MTHFD1L: variants seen among roughly 807,000 people sequenced by gnomAD.
The protein encoded by MTHFD1L is monofunctional C1-tetrahydrofolate synthase, mitochondrial.
In MTHFD1L, 81 loss-of-function variants were observed where a neutral mutation model predicts 119.5. The ratio of observed to expected loss-of-function variants is 0.68; its 90% CI spans 0.57 to 0.82. The LOEUF is 0.82. Ranked by LOEUF, MTHFD1L falls within the 40% of genes least tolerant of loss-of-function variation. MTHFD1L has a pLI of 0.00. For missense variants in MTHFD1L, 1,125 were observed against 1,253.4 expected, an observed-to-expected ratio of 0.90 and a Z score of 1.55; for synonymous variants, 430 against 475.2, an observed-to-expected ratio of 0.90 and a Z score of 1.24.
intron 26 of MTHFD1L, among the ~76,000 whole-genome samples, chr6:151,086,515 T>C (rs1160935653): frequency 6.6e-6 from 1 of 152,160 alleles, no homozygotes; most frequent in Non-Finnish European, 1.5e-5. Flanking sequence ...CCATCTTTAC[T>C]CATCTGTTTT....
chr6:150,932,867 TAAGGAAAG>T (rs1562405297), intron 11 of MTHFD1L, among the ~76,000 whole-genome samples: 1 of 114,042 alleles, frequency 8.8e-6, no homozygotes, highest in Non-Finnish European at 1.8e-5. Context: ...TAGATTACCT[TAAGGAAAG>T]AAGGAAGGAA....
At chr6:150,910,506 T>A (rs1786698649) in intron 8 of MTHFD1L, among the ~76,000 whole-genome samples, 1 of 146,206 alleles carries the variant, frequency 6.8e-6, no homozygotes, top group South Asian at 2.1e-4. Flanking sequence ...GAGGTTACGG[T>A]GAGCTGAGAT....
In MTHFD1L at chr6:150,901,667, C is replaced by G. The variant is rs145289860; in HGVS notation, c.781-3983C>G. Among the ~76,000 whole-genome samples, 584 of 152,322 alleles carry G rather than the reference C, an allele frequency of 3.8e-3. 1 individual carries two copies. The highest frequency in any genetic ancestry group is 0.012 in the African/African-American group (496 of 41,568). On this transcript the variant is annotated intron_variant, in intron 7 of 27. Transcript: ENST00000367321. ...GAGCCCCCTCCCTGCCCTCCAGACC[C>G]TGCTCTGTTCTCTGTGTCTGACCAT...
chr6:150,866,449 G>C (rs1028494542), intron 1 of MTHFD1L: 1 of 1,325,222 alleles, frequency 7.5e-7, no homozygotes, highest in Non-Finnish European at 9.6e-7. Context: ...GGAGGAGGGC[G>C]GGGCTGCGGC....
At chr6:150,866,655 A>T (rs1778390991) in intron 1 of MTHFD1L, 1 of 1,193,934 alleles carries the variant, frequency 8.4e-7, no homozygotes, top group Admixed American at 4.5e-5. Flanking sequence ...GGCCCCCGGG[A>T]CAGCCGCCGG....
chr6:150,872,201 G>A (rs1394033886), intron 1 of MTHFD1L, among the ~76,000 whole-genome samples: 1 of 152,084 alleles, frequency 6.6e-6, no homozygotes, highest in Non-Finnish European at 1.5e-5. Context: ...CTTATCATTT[G>A]TGTATCCACG....
intron 17 of MTHFD1L, among the ~76,000 whole-genome samples, chr6:150,959,623 A>G (rs958254729): frequency 3.9e-5 from 6 of 152,190 alleles, no homozygotes; most frequent in African/African-American, 1.2e-4. Flanking sequence ...AGTCTGTGCC[A>G]CCAGTTGACT....
intron 15 of MTHFD1L, among the ~76,000 whole-genome samples, chr6:150,946,667 C>T (rs912352346): frequency 1.3e-5 from 2 of 152,146 alleles, no homozygotes; most frequent in Non-Finnish European, 2.9e-5. Flanking sequence ...TAAAAATTCA[C>T]CTCCTGCCTC....
intron 19 of MTHFD1L, among the ~76,000 whole-genome samples, chr6:150,969,556 T>C (rs1379240299): frequency 6.7e-6 from 1 of 149,828 alleles, no homozygotes; most frequent in Non-Finnish European, 1.5e-5. Flanking sequence ...TATACAGGAC[T>C]GGGCTTGCTA....
intron 24 of MTHFD1L, among the ~76,000 whole-genome samples, chr6:151,023,306 C>T (rs1784204652): frequency 1.3e-5 from 2 of 152,090 alleles, no homozygotes. Flanking sequence ...CTCAGCCTCC[C>T]AAAGTGCCGG....
At chr6:150,949,162 G>T in intron 16 of MTHFD1L, 29 bp downstream of exon 16, 4 of 1,590,578 alleles carry the variant, frequency 2.5e-6, no homozygotes, top group South Asian at 1.1e-5. Flanking sequence ...CCAGCAGGCT[G>T]ATGGCCAGGT....
chr6:151,084,517 G>A (rs983959179), intron 26 of MTHFD1L, among the ~76,000 whole-genome samples: 5 of 152,290 alleles, frequency 3.3e-5, no homozygotes, highest in South Asian at 2.1e-4. Context: ...GGCCCCAAGC[G>A]ATCCTCCCAC....
rs545753976 is a variant in MTHFD1L at position 151,047,930 on chromosome 6, A to G, written c.2847+10813A>G. ...CTGGGGAGGCCTCAGGAAACTTACA[A>G]TCATGGTGGAAGGCAAAGGGGAAGC... On this transcript the variant is annotated intron_variant, in intron 26 of 27. Coordinates refer to ENST00000367321, the MANE Select transcript of MTHFD1L (RefSeq NM_015440.5). 2.6e-5 allele frequency among the ~76,000 whole-genome samples: 4 copies of G among 152,328 alleles called. No homozygotes were observed. The East Asian group carries it at 7.7e-4, about 29-fold the overall frequency.
intron 26 of MTHFD1L, among the ~76,000 whole-genome samples, chr6:151,040,841 C>T (rs561372742): frequency 6.0e-4 from 91 of 152,362 alleles, no homozygotes; most frequent in Non-Finnish European, 1.0e-3. Context: ...AGACCAAAGC[C>T]GTTCTGGAAA....
At chr6:150,970,938 C>G (rs993152574) in intron 19 of MTHFD1L, among the ~76,000 whole-genome samples, 14 of 152,138 alleles carry the variant, frequency 9.2e-5, no homozygotes, top group Admixed American at 7.9e-4. Flanking sequence ...TGAAGAATTC[C>G]CTTAGCCTCT....
At chr6:151,084,870 G>A (rs1250764089) in intron 26 of MTHFD1L, among the ~76,000 whole-genome samples, 1 of 151,194 alleles carries the variant, frequency 6.6e-6, no homozygotes, top group Non-Finnish European at 1.5e-5. Context: ...GGGAGGCTGA[G>A]GCAGGAGAAT....
chr6:151,032,841 C>T (rs996626516), intron 24 of MTHFD1L, among the ~76,000 whole-genome samples: 1 of 152,188 alleles, frequency 6.6e-6, no homozygotes, highest in African/African-American at 2.4e-5. Context: ...AACACCTCTA[C>T]AGTAATAAAA....
intron 15 of MTHFD1L, among the ~76,000 whole-genome samples, chr6:150,945,880 G>C: frequency 6.6e-6 from 1 of 152,092 alleles, no homozygotes; most frequent in Admixed American, 6.6e-5. Flanking sequence ...CCTGTAGTCC[G>C]AGCTACTCAT....
intron 20 of MTHFD1L, among the ~76,000 whole-genome samples, chr6:151,009,449 G>A (rs112979958): frequency 0.045 from 6,913 of 152,034 alleles, 558 homozygotes; most frequent in African/African-American, 0.16. Flanking sequence ...CAGGAGAATC[G>A]CTTGTGCCCG....
Sources: gnomAD v4.1 joint callset for allele counts (sites outside exome capture counted in the v4.1 genomes callset) on GRCh38, gnomAD v4.1.1 for gene constraint, MANE v1.5 for transcripts, NCBI Gene and HGNC (gene_info 2026-07-23, HGNC 2026-07-21) for gene names.